SPAG16: variants seen among roughly 807,000 people sequenced by gnomAD.
SPAG16 encodes the protein sperm-associated antigen 16 protein.
A neutral mutation model predicts 80.4 loss-of-function variants in SPAG16; 86 were observed. The observed-to-expected ratio is 1.07, with a 90% CI of 0.90 to 1.28. The LOEUF (loss-of-function observed/expected upper bound fraction) is 1.28. Ranked by LOEUF, SPAG16 falls within the 50% of genes most tolerant of loss-of-function variation. The pLI is 0.00. For synonymous variants in SPAG16, 294 were observed against 265.9 expected, an observed-to-expected ratio of 1.11 and a Z score of -1.03; for missense variants, 870 against 765.3, an observed-to-expected ratio of 1.14 and a Z score of -1.61.
At chr2:213,792,388 A>G (rs1348135776) in intron 10 of SPAG16, among the ~76,000 whole-genome samples, 1 of 152,090 alleles carries the variant, frequency 6.6e-6, no homozygotes, top group Non-Finnish European at 1.5e-5. Context: ...ACAGCCCTAA[A>G]GTGCTACAAA....
At position 214,103,020 on chromosome 2, in the gene SPAG16, T is replaced by C. The variant is rs139803706; in HGVS notation, c.1528-5176T>C. On this transcript the variant is annotated intron_variant, in intron 13 of 15. Coordinates refer to ENST00000331683, the MANE Select transcript of SPAG16 (RefSeq NM_024532.5). ...CGCATGCGCAGTGTTTTCCTTACCC[T>C]TTGGAATTGAGCACAGGCATGCAGT... Among the ~76,000 whole-genome samples, 542 of 152,190 alleles carry C rather than the reference T, an allele frequency of 3.6e-3. 3 individuals carry two copies. The highest frequency in any genetic ancestry group is 0.013 in the African/African-American group (520 of 41,514).
intron 13 of SPAG16, among the ~76,000 whole-genome samples, chr2:214,018,788 T>A (rs373630023): frequency 2.6e-5 from 4 of 152,268 alleles, no homozygotes; most frequent in East Asian, 3.9e-4. Flanking sequence ...GACCAGTGGA[T>A]TATATTCCTA....
At chr2:213,769,315 C>T (rs1325555518) in intron 10 of SPAG16, among the ~76,000 whole-genome samples, 2 of 152,178 alleles carry the variant, frequency 1.3e-5, no homozygotes, top group African/African-American at 4.8e-5. Flanking sequence ...GTGAAAATTT[C>T]CATAGAAGTT....
intron 10 of SPAG16, among the ~76,000 whole-genome samples, chr2:213,578,316 C>G (rs1432384401): frequency 6.6e-6 from 1 of 151,954 alleles, no homozygotes; most frequent in Non-Finnish European, 1.5e-5. Flanking sequence ...GAAAAGCAAA[C>G]AACAATAAGT....
intron 10 of SPAG16, among the ~76,000 whole-genome samples, chr2:213,740,070 A>G (rs1243759762): frequency 6.6e-6 from 1 of 152,216 alleles, no homozygotes; most frequent in Non-Finnish European, 1.5e-5. Flanking sequence ...TAAAGATTTT[A>G]TAAAATGACT....
chr2:213,302,690 G>A (rs1019452481), intron 3 of SPAG16: 24 of 149,498 alleles, frequency 1.6e-4, no homozygotes, highest in Non-Finnish European at 3.1e-4. Context: ...ACTATAAATT[G>A]AGGTATATTT....
intron 10 of SPAG16, among the ~76,000 whole-genome samples, chr2:213,665,643 C>T (rs1015932409): frequency 6.6e-6 from 1 of 152,150 alleles, no homozygotes; most frequent in African/African-American, 2.4e-5. Flanking sequence ...TCTCTGGTCA[C>T]ATTTCATCAA....
At chr2:214,149,061 A>ATGTG (rs1205446834) in intron 14 of SPAG16, 79 bp from the exon 15 acceptor site, 3 of 318,252 alleles carry the variant, frequency 9.4e-6, no homozygotes, top group Admixed American at 2.4e-4. Context: ...GTGTATATAT[A>ATGTG]TATGTGTGTG....
In SPAG16 at chr2:213,458,844, C is replaced by G. The variant is rs375491955; in HGVS notation, c.943-31119C>G. Among the ~76,000 whole-genome samples, 30 of 152,156 alleles carry G rather than the reference C, an allele frequency of 2.0e-4. No homozygotes were observed. The East Asian group carries it at 4.4e-3, about 23-fold the overall frequency. ...CCCTCTGGCTACATTTAAAATTTCC[C>G]CTTTATCTGTAATAATCAGTAATTA... is the stretch of plus-strand genomic sequence containing the variant. On this transcript the variant is annotated intron_variant, in intron 9 of 15. Coordinates refer to ENST00000331683, the MANE Select transcript of SPAG16 (RefSeq NM_024532.5).
At chr2:213,301,998 C>T (rs1444439118) in intron 3 of SPAG16, among the ~76,000 whole-genome samples, 1 of 152,110 alleles carries the variant, frequency 6.6e-6, no homozygotes, top group Non-Finnish European at 1.5e-5. Flanking sequence ...TATTCTTCTC[C>T]ATTGTGTATC....
intron 2 of SPAG16, among the ~76,000 whole-genome samples, chr2:213,296,668 A>G (rs1374247416): frequency 6.6e-6 from 1 of 152,214 alleles, no homozygotes; most frequent in African/African-American, 2.4e-5. Context: ...TGGGTGAGCA[A>G]GAGACAGGAT....
chr2:213,739,438 C>T (rs2067438984), intron 10 of SPAG16, among the ~76,000 whole-genome samples: 1 of 152,128 alleles, frequency 6.6e-6, no homozygotes, highest in Non-Finnish European at 1.5e-5. Flanking sequence ...TCATTTAGTT[C>T]TTACCTTACT....
intron 13 of SPAG16, among the ~76,000 whole-genome samples, chr2:214,086,345 T>A (rs940616614): frequency 6.6e-6 from 1 of 152,204 alleles, no homozygotes; most frequent in African/African-American, 2.4e-5. Context: ...AAGCAAGAAG[T>A]AAGCACCTTA....
intron 10 of SPAG16, among the ~76,000 whole-genome samples, chr2:213,688,025 A>G (rs1457546695): frequency 6.6e-6 from 1 of 152,198 alleles, no homozygotes; most frequent in Non-Finnish European, 1.5e-5. Flanking sequence ...TATACATTTT[A>G]GGGAGGCATG....
rs949764402 is a variant in SPAG16 at position 214,163,610 on chromosome 2, A to G, written c.1720+14344A>G. The stretch of plus-strand genomic sequence containing the variant: ...TATACACACACATATATACATATAT[A>G]TATACACACATATATACATATATAT... On this transcript the variant is annotated intron_variant, in intron 15 of 15. Transcript: ENST00000331683. Among the ~76,000 whole-genome samples, 6 of 141,804 alleles carry G rather than the reference A, an allele frequency of 4.2e-5. No individual in the cohort carries two copies. In the South Asian group the frequency reaches 1.2e-3, roughly 27 times the overall value. 93.0% of individuals were successfully genotyped at this position (141,804 alleles called of 152,430 possible). A position where few individuals can be genotyped will look rare whatever the true frequency, so the allele number is the denominator to read the frequency against.
intron 15 of SPAG16, among the ~76,000 whole-genome samples, chr2:214,270,217 G>T (rs1483172969): frequency 6.6e-6 from 1 of 152,034 alleles, no homozygotes; most frequent in Non-Finnish European, 1.5e-5. Flanking sequence ...GACATGAAAT[G>T]GTAACATTAT....
chr2:213,704,914 C>T (rs775530748), intron 10 of SPAG16, among the ~76,000 whole-genome samples: 7 of 151,818 alleles, frequency 4.6e-5, no homozygotes, highest in Non-Finnish European at 1.0e-4. Context: ...AGACGAAAAG[C>T]GAAGTCTGCC....
intron 13 of SPAG16, among the ~76,000 whole-genome samples, chr2:214,035,169 C>T (rs549033429): frequency 6.6e-6 from 1 of 152,198 alleles, no homozygotes; most frequent in South Asian, 2.1e-4. Context: ...ATCATCTCCT[C>T]AAGTCTGGCT....
chr2:214,320,667 C>T (rs930360754), intron 15 of SPAG16, among the ~76,000 whole-genome samples: 2 of 152,144 alleles, frequency 1.3e-5, no homozygotes, highest in African/African-American at 2.4e-5. Flanking sequence ...GCAAAGGGGG[C>T]AGGGCGCCTT....
Sources: gnomAD v4.1 joint callset for allele counts (sites outside exome capture counted in the v4.1 genomes callset) on GRCh38, gnomAD v4.1.1 for gene constraint, MANE v1.5 for transcripts, NCBI Gene and HGNC (gene_info 2026-07-23, HGNC 2026-07-21) for gene names.